The following NXPE4 variants were observed in gnomAD, a reference collection of about 807,000 sequenced individuals.
The protein encoded by NXPE4 is neurexophilin and PC-esterase domain family member 4.
NXPE4 carries 42 observed loss-of-function variants against 33.3 expected under a neutral mutation model. That is an observed-to-expected ratio of 1.26 (90% confidence interval 0.98 to 1.63). NXPE4 has a LOEUF of 1.63. Among genes scored for constraint, NXPE4 ranks in the 40% most tolerant of loss-of-function variants. The pLI is 0.00. For synonymous variants in NXPE4, 253 were observed against 234.9 expected (o/e 1.08, Z -0.71); for missense variants, 709 against 647.6 (o/e 1.09, Z -1.03).
At chr11:114,638,872 C>G in the NXPE4 span, among the ~76,000 whole-genome samples, 1 of 151,704 alleles carries the variant, frequency 6.6e-6, no homozygotes, top group Non-Finnish European at 1.5e-5. Context: ...CAGTCTGCCC[C>G]TACTGGGGGG....
the NXPE4 span, among the ~76,000 whole-genome samples, chr11:114,645,141 A>C: frequency 6.6e-6 from 1 of 151,990 alleles, no homozygotes; most frequent in Non-Finnish European, 1.5e-5. Context: ...ATCTTTACTA[A>C]AAATACAAAA....
At chr11:114,638,779 G>A in the NXPE4 span, among the ~76,000 whole-genome samples, 2 of 151,974 alleles carry the variant, frequency 1.3e-5, no homozygotes, top group Non-Finnish European at 2.9e-5. Flanking sequence ...CAGAACAGCG[G>A]ATTTTCGTGA....
the NXPE4 span, among the ~76,000 whole-genome samples, chr11:114,675,651 T>C: frequency 2.0e-5 from 3 of 151,946 alleles, no homozygotes; most frequent in Non-Finnish European, 4.4e-5. Context: ...GAAAAATTAA[T>C]ATTGTTAAAA....
the NXPE4 span, among the ~76,000 whole-genome samples, chr11:114,619,032 G>T: frequency 6.6e-6 from 1 of 152,020 alleles, no homozygotes; most frequent in Non-Finnish European, 1.5e-5. Context: ...TTGATAATAA[G>T]TGTGGCCTCA....
At chr11:114,667,160 A>G in the NXPE4 span, among the ~76,000 whole-genome samples, 1 of 152,176 alleles carries the variant, frequency 6.6e-6, no homozygotes, top group Non-Finnish European at 1.5e-5. Flanking sequence ...GTGAAGATCC[A>G]GGTCCTGATT....
At chr11:114,580,737 T>C (rs1286624287) in intron 4 of NXPE4, among the ~76,000 whole-genome samples, 12 of 152,180 alleles carry the variant, frequency 7.9e-5, no homozygotes, top group Non-Finnish European at 5.9e-5. Flanking sequence ...AATGACACCA[T>C]CAAAATATAA....
the NXPE4 span, among the ~76,000 whole-genome samples, chr11:114,618,421 C>T: frequency 2.0e-5 from 3 of 151,728 alleles, no homozygotes; most frequent in Non-Finnish European, 4.4e-5. Context: ...CATGGGTAAC[C>T]ACTGTTACCT....
chr11:114,653,305 A>G, the NXPE4 span, among the ~76,000 whole-genome samples: 2 of 152,238 alleles, frequency 1.3e-5, no homozygotes, highest in African/African-American at 4.8e-5. Flanking sequence ...ATATTGTTCA[A>G]GAAAGCAGCA....
the NXPE4 span, among the ~76,000 whole-genome samples, chr11:114,601,726 ATATAT>A: frequency 1.4e-5 from 1 of 70,770 alleles, no homozygotes; most frequent in Non-Finnish European, 2.4e-5. Context: ...TATTATAATT[ATATAT>A]TATATATAAT....
In NXPE4 at chr11:114,571,166, C is replaced by T; in HGVS notation, c.1407G>A (p.Met469Ile). The T allele has an allele frequency of 6.2e-7, 1 of 1,613,956 alleles. No homozygotes were observed. Among genetic ancestry groups the T allele is most frequent in the Non-Finnish European group, 8.5e-7 (1 of 1,179,944 alleles). Residue 469 changes from methionine to isoleucine, a missense_variant, in exon 6 of 6, where the codon ATG (methionine) becomes ATA (isoleucine). Transcript: ENST00000375478. ...TGATGTTTTCTGTTTTGATGATAAC[C>T]ATAGTGTCTGGGCTTCTCAGAAGAA... ...QHLLLRSPDT[M>I]VIIKTENIRE...
the NXPE4 span, among the ~76,000 whole-genome samples, chr11:114,633,978 AGTAATGG>A: frequency 1.3e-5 from 2 of 151,998 alleles, no homozygotes; most frequent in Admixed American, 6.6e-5. Flanking sequence ...GTATATACCC[AGTAATGG>A]GATGGCTGGG....
chr11:114,671,679 A>G, the NXPE4 span, among the ~76,000 whole-genome samples: 5 of 152,062 alleles, frequency 3.3e-5, no homozygotes, highest in South Asian at 1.0e-3. Context: ...CTGTCAACAG[A>G]GTGTTTTATC....
At chr11:114,609,414 C>T in the NXPE4 span, among the ~76,000 whole-genome samples, 1 of 151,766 alleles carries the variant, frequency 6.6e-6, no homozygotes, top group South Asian at 2.1e-4. Flanking sequence ...CCACTGTTAC[C>T]CTGTGGATAA....
the NXPE4 span, among the ~76,000 whole-genome samples, chr11:114,631,528 TGGGGGGA>T: frequency 1.6e-5 from 1 of 61,722 alleles, no homozygotes; most frequent in South Asian, 6.3e-4. Flanking sequence ...TGTTGTGGGG[TGGGGGGA>T]GGGGGGAGGG....
chr11:114,588,476 AG>A (rs1479644218), intron 2 of NXPE4, among the ~76,000 whole-genome samples: 1 of 152,202 alleles, frequency 6.6e-6, no homozygotes, highest in Non-Finnish European at 1.5e-5. Flanking sequence ...GCTGAAAAAC[AG>A]GCAGCTCTGC....
chr11:114,650,718 C>T, the NXPE4 span, among the ~76,000 whole-genome samples: 2 of 152,130 alleles, frequency 1.3e-5, no homozygotes, highest in East Asian at 1.9e-4. Context: ...GCAACTCCCA[C>T]CCAAGACCAA....
At chr11:114,633,256 T>C in the NXPE4 span, among the ~76,000 whole-genome samples, 3 of 136,060 alleles carry the variant, frequency 2.2e-5, no homozygotes, top group Non-Finnish European at 4.6e-5. Context: ...ATATAATATA[T>C]AAGAATGTTA....
At chr11:114,675,147 TA>T in the NXPE4 span, among the ~76,000 whole-genome samples, 1 of 151,724 alleles carries the variant, frequency 6.6e-6, no homozygotes, top group East Asian at 1.9e-4. Context: ...GAAGGATTAT[TA>T]GAAGGATTAT....
chr11:114,613,323 G>A, the NXPE4 span, among the ~76,000 whole-genome samples: 1 of 151,876 alleles, frequency 6.6e-6, no homozygotes, highest in Non-Finnish European at 1.5e-5. Context: ...GGTAACCACT[G>A]TTACCCGATG....
Sources: gnomAD v4.1 joint callset for allele counts (sites outside exome capture counted in the v4.1 genomes callset) on GRCh38, gnomAD v4.1.1 for gene constraint, MANE v1.5 for transcripts, NCBI Gene and HGNC (gene_info 2026-07-23, HGNC 2026-07-21) for gene names.